The following RORB variants were observed in gnomAD, a reference collection of about 807,000 sequenced individuals.
RORB encodes nuclear receptor ROR-beta.
RORB carries 6 observed loss-of-function variants against 59.1 expected under a neutral mutation model. That is an observed-to-expected ratio of 0.10 (90% CI 0.06 to 0.20). The LOEUF (loss-of-function observed/expected upper bound fraction) is 0.20, where lower values mean the gene tolerates loss of function less well. Ranked by LOEUF, RORB falls within the 10% of genes least tolerant of loss-of-function variation. The pLI, the probability that RORB is intolerant of heterozygous loss-of-function variation, is 1.00. For synonymous variants in RORB, 215 were observed against 204.5 expected (o/e 1.05, Z -0.44); for missense variants, 320 against 560.5 (o/e 0.57, Z 4.33).
chr9:74,549,603 AGGAAGAAAGG>A (rs1826570133), intron 1 of RORB, among the ~76,000 whole-genome samples: 1 of 54,956 alleles, frequency 1.8e-5, no homozygotes, highest in South Asian at 5.0e-4. Flanking sequence ...GAAGGAAGGA[AGGAAGAAAGG>A]AAGGAAGGAA....
intron 1 of RORB, among the ~76,000 whole-genome samples, chr9:74,620,579 T>C (rs1823398087): frequency 6.6e-6 from 1 of 152,200 alleles, no homozygotes; most frequent in Non-Finnish European, 1.5e-5. Context: ...ATTTCTTGCC[T>C]TCTGCTAGCT....
intron 1 of RORB, among the ~76,000 whole-genome samples, chr9:74,537,859 A>G (rs919071171): frequency 1.3e-5 from 2 of 152,076 alleles, no homozygotes; most frequent in South Asian, 4.1e-4. Context: ...TTACTTTTTT[A>G]AAAAATATAG....
chr9:74,561,121 G>A (rs576749640), intron 1 of RORB, among the ~76,000 whole-genome samples: 2 of 152,208 alleles, frequency 1.3e-5, no homozygotes, highest in South Asian at 2.1e-4. Context: ...TGAATTGAAT[G>A]AGAAGAAGAA....
At position 74,692,334 on chromosome 9, in the gene RORB, G is replaced by C. The variant is rs1824754484; in HGVS notation, c.*6716G>C. On this transcript the variant is annotated 3_prime_UTR_variant, in exon 10 of 10. Coordinates refer to ENST00000376896, the MANE Select transcript of RORB (RefSeq NM_006914.4). ...GATGATCGATTTATAATGATAAAAA[G>C]ATATTTAGATTTAAATGAGACATTC... 6.6e-6 allele frequency: 1 copy of C among 152,168 alleles called. No homozygotes were observed. Among genetic ancestry groups the C allele is most frequent in the African/African-American group, 2.4e-5 (1 of 41,446 alleles). The allele number at this position is 152,168 out of a possible 1,614,324, so 9.4% of individuals were successfully genotyped here.
intron 1 of RORB, among the ~76,000 whole-genome samples, chr9:74,540,274 T>C (rs1262144588): frequency 6.6e-6 from 1 of 152,164 alleles, no homozygotes; most frequent in Non-Finnish European, 1.5e-5. Flanking sequence ...TGCCCCAACC[T>C]GCCTCCTCTA....
chr9:74,516,640 G>A (rs1237163772), intron 1 of RORB, among the ~76,000 whole-genome samples: 8 of 152,006 alleles, frequency 5.3e-5, no homozygotes, highest in South Asian at 4.1e-4. Context: ...CAAGCATGAA[G>A]CAGAGAAGCA....
chr9:74,558,466 A>G (rs1192296577), intron 1 of RORB, among the ~76,000 whole-genome samples: 1 of 152,148 alleles, frequency 6.6e-6, no homozygotes, highest in Admixed American at 6.5e-5. Context: ...ACAGACACAT[A>G]TGTTGACTTC....
intron 1 of RORB, among the ~76,000 whole-genome samples, chr9:74,553,701 G>C (rs1826646038): frequency 6.6e-6 from 1 of 152,126 alleles, no homozygotes; most frequent in South Asian, 2.1e-4. Context: ...CCGTGTACCT[G>C]TTTGAAAAAA....
At chr9:74,573,482 A>C (rs971564752) in intron 1 of RORB, among the ~76,000 whole-genome samples, 21 of 151,848 alleles carry the variant, frequency 1.4e-4, no homozygotes, top group Admixed American at 5.3e-4. Flanking sequence ...AAAAAAAAAA[A>C]AAACTGGGCC....
At chr9:74,589,291 A>C (rs962823074) in intron 1 of RORB, among the ~76,000 whole-genome samples, 2 of 152,186 alleles carry the variant, frequency 1.3e-5, no homozygotes, top group Admixed American at 1.3e-4. Flanking sequence ...AAGAACAAAA[A>C]ACTTTAAGTG....
chr9:74,597,272 G>A (rs1269739184), intron 1 of RORB, among the ~76,000 whole-genome samples: 1 of 152,200 alleles, frequency 6.6e-6, no homozygotes, highest in Non-Finnish European at 1.5e-5. Flanking sequence ...TCTCAATTCA[G>A]TCAAAACTCA....
At chr9:74,684,037 C>A (rs553848719) in intron 9 of RORB, among the ~76,000 whole-genome samples, 24 of 152,312 alleles carry the variant, frequency 1.6e-4, no homozygotes, top group African/African-American at 5.5e-4. Context: ...TCATTTCTAT[C>A]TCTGTCTTTA....
chr9:74,564,817 G>A (rs1224712127), intron 1 of RORB, among the ~76,000 whole-genome samples: 1 of 152,150 alleles, frequency 6.6e-6, no homozygotes, highest in Admixed American at 6.5e-5. Context: ...AGATTTAATG[G>A]GATCTCAATT....
At chr9:74,670,299 G>T (rs1316122541) in intron 8 of RORB, among the ~76,000 whole-genome samples, 24 of 152,226 alleles carry the variant, frequency 1.6e-4, no homozygotes, top group Non-Finnish European at 2.9e-5. Flanking sequence ...GTTCTTGCTT[G>T]CTCCAAGGAA....
At chr9:74,601,143 C>G (rs949297940) in intron 1 of RORB, among the ~76,000 whole-genome samples, 1 of 151,842 alleles carries the variant, frequency 6.6e-6, no homozygotes, top group Non-Finnish European at 1.5e-5. Context: ...TACTCTTTTT[C>G]TTAGCTATTC....
intron 1 of RORB, among the ~76,000 whole-genome samples, chr9:74,544,839 C>G (rs949028150): frequency 2.6e-5 from 4 of 152,164 alleles, no homozygotes; most frequent in African/African-American, 7.2e-5. Flanking sequence ...CAGTCAGGTT[C>G]CCATCACATC....
At chr9:74,531,028 G>A (rs1369368483) in intron 1 of RORB, among the ~76,000 whole-genome samples, 1 of 151,374 alleles carries the variant, frequency 6.6e-6, no homozygotes, top group African/African-American at 2.4e-5. Flanking sequence ...GTTTCATAAG[G>A]CACTAGATTA....
chr9:74,658,886 AAGT>A (rs1413845998), intron 4 of RORB, among the ~76,000 whole-genome samples: 3 of 152,228 alleles, frequency 2.0e-5, no homozygotes, highest in Non-Finnish European at 4.4e-5. Flanking sequence ...TAAGCAGTGC[AAGT>A]CTAGAAATGC....
At chr9:74,628,814 G>C (rs183468280) in intron 1 of RORB, among the ~76,000 whole-genome samples, 14 of 152,200 alleles carry the variant, frequency 9.2e-5, no homozygotes, top group African/African-American at 3.4e-4. Flanking sequence ...ACAACTCTTA[G>C]AATACTATCA....
Sources: allele counts gnomAD v4.1 joint callset (sites outside exome capture counted in the v4.1 genomes callset), GRCh38; gene constraint gnomAD v4.1.1; transcripts MANE v1.5; gene names NCBI Gene and HGNC (gene_info 2026-07-23, HGNC 2026-07-21).